GLDC: variants seen among roughly 807,000 people sequenced by gnomAD.
GLDC encodes the protein glycine decarboxylase.
GLDC carries 104 observed loss-of-function variants against 121.3 expected under a neutral mutation model. That is an observed-to-expected ratio of 0.86 (90% CI 0.73 to 1.01). GLDC has a LOEUF of 1.01. Among genes scored for constraint, GLDC ranks in the 50% least tolerant of loss-of-function variants. The probability of loss-of-function intolerance (pLI) is 0.00; values close to 1 mark genes in which losing one functional copy is unlikely to be tolerated. For synonymous variants in GLDC, 546 were observed against 480.6 expected, an observed-to-expected ratio of 1.14 and a Z score of -1.78; for missense variants, 1,429 against 1,306.6, an observed-to-expected ratio of 1.09 and a Z score of -1.44.
chr9:6,613,229 T>C (rs1303159951), intron 3 of GLDC, among the ~76,000 whole-genome samples: 1 of 152,216 alleles, frequency 6.6e-6, no homozygotes, highest in African/African-American at 2.4e-5. Context: ...CAGATAACTA[T>C]TGAGAAAATA....
Position 6,533,002 on chromosome 9 carries a change from C to G in GLDC, c.*15G>C, listed in dbSNP as rs1207635603. 6.3e-7 allele frequency: 1 copy of G among 1,588,852 alleles called. No homozygotes were observed. Among genetic ancestry groups the G allele is most frequent in the East Asian group, 2.2e-5 (1 of 44,700 alleles). ...AGAGGCATCAAATCAGTCCTTTAAA[C>G]TTAGGGACAGAGGACTAAGAAGACG... is the stretch of plus-strand genomic sequence containing the variant. On this transcript the variant is annotated 3_prime_UTR_variant, in exon 25 of 25. Transcript: ENST00000321612.
At chr9:6,592,442 C>T (rs1482473193) in intron 10 of GLDC, among the ~76,000 whole-genome samples, 3 of 152,220 alleles carry the variant, frequency 2.0e-5, no homozygotes, top group Non-Finnish European at 2.9e-5. Flanking sequence ...TGAACTCTAA[C>T]ATTCCATGGC....
intron 21 of GLDC, among the ~76,000 whole-genome samples, chr9:6,549,982 T>C (rs747491038): frequency 6.6e-6 from 1 of 152,142 alleles, no homozygotes; most frequent in Non-Finnish European, 1.5e-5. Flanking sequence ...CCAGCCTCAT[T>C]GTCATTTGCT....
intron 3 of GLDC, 53 bp from the exon 4 acceptor site, chr9:6,610,409 C>T: frequency 6.4e-7 from 1 of 1,570,818 alleles, no homozygotes; most frequent in Non-Finnish European, 8.8e-7. Context: ...TAGAGAAGCA[C>T]ACAAAATGCT....
intron 16 of GLDC, among the ~76,000 whole-genome samples, chr9:6,562,822 A>C (rs1817784471): frequency 1.3e-5 from 2 of 152,294 alleles, no homozygotes; most frequent in Non-Finnish European, 2.9e-5. Context: ...TAGCCTCCCA[A>C]TGTGCTGGGA....
At chr9:6,577,613 A>G (rs1024632504) in intron 15 of GLDC, among the ~76,000 whole-genome samples, 1 of 152,216 alleles carries the variant, frequency 6.6e-6, no homozygotes, top group Non-Finnish European at 1.5e-5. Context: ...CATAAGGACA[A>G]AAAGTAAAAT....
chr9:6,596,202 T>C (rs1417277450), intron 8 of GLDC, among the ~76,000 whole-genome samples: 1 of 152,178 alleles, frequency 6.6e-6, no homozygotes, highest in Non-Finnish European at 1.5e-5. Flanking sequence ...AGGCCTGACA[T>C]TCACAGAATG....
chr9:6,643,738 G>A (rs932990971), intron 2 of GLDC, among the ~76,000 whole-genome samples: 7 of 151,930 alleles, frequency 4.6e-5, no homozygotes, highest in African/African-American at 1.7e-4. Flanking sequence ...TGTTTTTCTA[G>A]AAAAACCATT....
At chr9:6,553,654 T>G (rs569436653) in intron 19 of GLDC, 145 bp from the exon 20 acceptor site, 1 of 774,352 alleles carries the variant, frequency 1.3e-6, no homozygotes, top group African/African-American at 1.7e-5. Context: ...GGGAGGCAGA[T>G]GTTCAGGAAG....
intron 2 of GLDC, among the ~76,000 whole-genome samples, chr9:6,634,359 T>C (rs1047455741): frequency 1.3e-5 from 2 of 151,780 alleles, no homozygotes; most frequent in Admixed American, 6.6e-5. Context: ...CGAAACTCCA[T>C]CTCTACAAAA....
chr9:6,595,064 A>T lies in GLDC; in HGVS notation c.1211T>A (p.Leu404Gln). ...MFAIYHGSHG[L>Q]EHIARRVHNA... ...ATGTACCCTCCTAGCAATATGCTCC[A>T]GCCCATGGGAACCATGGTAGATTGC... The change falls in exon 9 of 25, where the codon CTG (leucine) becomes CAG (glutamine). Residue 404 changes from leucine to glutamine, a missense_variant. Physicochemically the swap from Leu to Gln is moderately radical, Grantham distance 113. Coordinates refer to ENST00000321612, the MANE Select transcript of GLDC (RefSeq NM_000170.3). 6.2e-7 allele frequency: 1 copy of T among 1,613,466 alleles called. No homozygotes were observed. The highest frequency in any genetic ancestry group is 8.5e-7 in the Non-Finnish European group (1 of 1,179,356).
intron 4 of GLDC, 45 bp from the exon 5 acceptor site, chr9:6,606,714 T>C (rs1818741500): frequency 1.9e-6 from 2 of 1,054,334 alleles, no homozygotes; most frequent in Non-Finnish European, 1.5e-6. Context: ...ATTAAATAAA[T>C]AGGACTATCT....
At chr9:6,589,870 C>A (rs1229672497) in intron 11 of GLDC, among the ~76,000 whole-genome samples, 1 of 152,188 alleles carries the variant, frequency 6.6e-6, no homozygotes, top group East Asian at 1.9e-4. Flanking sequence ...TCCTGGCTCA[C>A]ATGGTGAAAC....
chr9:6,554,871 C>A, intron 18 of GLDC, 90 bp from the exon 19 acceptor site: 1 of 909,330 alleles, frequency 1.1e-6, no homozygotes, highest in Non-Finnish European at 1.8e-6. Flanking sequence ...GCTGCCTTCT[C>A]CCCTCAGAGG....
intron 21 of GLDC, among the ~76,000 whole-genome samples, chr9:6,549,177 A>T (rs1817457357): frequency 6.6e-6 from 1 of 152,252 alleles, no homozygotes; most frequent in South Asian, 2.1e-4. Flanking sequence ...AACTTAAGTA[A>T]GATTAAATCA....
intron 15 of GLDC, among the ~76,000 whole-genome samples, chr9:6,586,701 C>T (rs1213531986): frequency 6.6e-6 from 1 of 152,140 alleles, no homozygotes; most frequent in Non-Finnish European, 1.5e-5. Flanking sequence ...AGGTGTTGTC[C>T]CCTCCCCGAT....
At chr9:6,594,700 G>GCAAGCAAGC (rs1563852238) in intron 9 of GLDC, among the ~76,000 whole-genome samples, 1,685 of 151,068 alleles carry the variant, frequency 0.011, 21 homozygotes, top group African/African-American at 0.039. Context: ...ATTAAGCAAG[G>GCAAGCAAGC]AAGCAAGCAA....
chr9:6,588,750 T>A, intron 12 of GLDC, 48 bp from the exon 13 acceptor site: 1 of 993,400 alleles, frequency 1.0e-6, no homozygotes, highest in Non-Finnish European at 1.6e-6. Context: ...TAGATATGAG[T>A]CCATGCACAT....
At chr9:6,607,474 C>T (rs1025036450) in intron 4 of GLDC, among the ~76,000 whole-genome samples, 1 of 151,010 alleles carries the variant, frequency 6.6e-6, no homozygotes, top group African/African-American at 2.4e-5. Flanking sequence ...TCCCACTACT[C>T]GGGAGGATGA....
Sources: gnomAD v4.1 joint callset for allele counts (sites outside exome capture counted in the v4.1 genomes callset) on GRCh38, gnomAD v4.1.1 for gene constraint, MANE v1.5 for transcripts, NCBI Gene and HGNC (gene_info 2026-07-23, HGNC 2026-07-21) for gene names.